The following STXBP5L variants were observed in gnomAD, a reference collection of about 807,000 sequenced individuals.
STXBP5L encodes syntaxin-binding protein 5-like.
In STXBP5L, 65 loss-of-function variants were observed where a neutral mutation model predicts 144.5. The observed-to-expected ratio is 0.45, with a 90% CI of 0.37 to 0.55. STXBP5L has a LOEUF of 0.55. STXBP5L is among the 20% of genes least tolerant of loss of function. The probability of loss-of-function intolerance (pLI) is 0.00; values close to 1 mark genes in which losing one functional copy is unlikely to be tolerated. For missense variants in STXBP5L, 1,298 were observed against 1,405.5 expected (o/e 0.92, Z 1.22); for synonymous variants, 505 against 469.6 (o/e 1.08, Z -0.97).
intron 3 of STXBP5L, among the ~76,000 whole-genome samples, chr3:120,973,135 G>A (rs551944680): frequency 6.6e-6 from 1 of 152,174 alleles, no homozygotes; most frequent in South Asian, 2.1e-4. Context: ...CATAACTTTA[G>A]TAGAACCACC....
chr3:121,139,961 C>A (rs921124753), intron 7 of STXBP5L, among the ~76,000 whole-genome samples: 11 of 151,898 alleles, frequency 7.2e-5, no homozygotes, highest in African/African-American at 2.4e-4. Context: ...CCATAAAAAA[C>A]CAAACAACCC....
intron 6 of STXBP5L, among the ~76,000 whole-genome samples, chr3:121,117,943 G>C (rs2044302070): frequency 6.6e-6 from 1 of 151,650 alleles, no homozygotes; most frequent in Non-Finnish European, 1.5e-5. Context: ...ATATATACCA[G>C]GTGATAGCAT....
At chr3:120,976,003 C>CTG (rs1055166732) in intron 3 of STXBP5L, among the ~76,000 whole-genome samples, 13 of 146,860 alleles carry the variant, frequency 8.9e-5, no homozygotes, top group African/African-American at 1.0e-4. Context: ...GTCTAAAATT[C>CTG]TCTTTTTTTT....
At chr3:120,963,270 T>C (rs748823642) in intron 3 of STXBP5L, among the ~76,000 whole-genome samples, 1 of 152,170 alleles carries the variant, frequency 6.6e-6, no homozygotes, top group Admixed American at 6.5e-5. Context: ...CCTTTATTTC[T>C]TTCTCTTGTT....
At chr3:121,101,489 A>G (rs770957822) in intron 5 of STXBP5L, among the ~76,000 whole-genome samples, 1 of 152,186 alleles carries the variant, frequency 6.6e-6, no homozygotes, top group African/African-American at 2.4e-5. Context: ...CCATATGATC[A>G]TCTCAATTTA....
At chr3:121,370,160 G>T (rs1297301336) in intron 20 of STXBP5L, among the ~76,000 whole-genome samples, 1 of 152,082 alleles carries the variant, frequency 6.6e-6, no homozygotes, top group Admixed American at 6.6e-5. Flanking sequence ...GAGGTCAGGA[G>T]TTCAAGACCA....
chr3:121,082,281 T>C (rs562887764), intron 5 of STXBP5L, among the ~76,000 whole-genome samples: 84 of 151,294 alleles, frequency 5.6e-4, no homozygotes, highest in Middle Eastern at 3.4e-3. Context: ...TTAGATCTTC[T>C]TTGATTTCTT....
chr3:121,128,439 G>C (rs1351722800), intron 7 of STXBP5L, among the ~76,000 whole-genome samples: 2 of 152,092 alleles, frequency 1.3e-5, no homozygotes, highest in African/African-American at 4.8e-5. Flanking sequence ...GGCTTCTGAG[G>C]AGACTGTCTT....
At chr3:121,182,564 A>G (rs530796220) in intron 9 of STXBP5L, among the ~76,000 whole-genome samples, 2 of 152,256 alleles carry the variant, frequency 1.3e-5, no homozygotes, top group African/African-American at 4.8e-5. Flanking sequence ...CTACATCAAA[A>G]AGTCTGAAAG....
intron 2 of STXBP5L, among the ~76,000 whole-genome samples, chr3:120,954,477 T>A (rs1937803365): frequency 6.6e-6 from 1 of 152,134 alleles, no homozygotes; most frequent in African/African-American, 2.4e-5. Context: ...GTTGCATCTA[T>A]CAGTAGTTTG....
At chr3:121,011,526 C>T (rs756626894) in intron 3 of STXBP5L, among the ~76,000 whole-genome samples, 1 of 151,664 alleles carries the variant, frequency 6.6e-6, no homozygotes, top group Non-Finnish European at 1.5e-5. Flanking sequence ...ACCCTCTATT[C>T]CTCTCAAGCT....
intron 9 of STXBP5L, among the ~76,000 whole-genome samples, chr3:121,192,286 G>A (rs1178836237): frequency 6.6e-6 from 1 of 152,082 alleles, no homozygotes; most frequent in East Asian, 1.9e-4. Flanking sequence ...ACCTCTTCAA[G>A]GAGAACTACA....
At chr3:120,994,774 CAG>C (rs1559970123) in intron 3 of STXBP5L, among the ~76,000 whole-genome samples, 2 of 151,830 alleles carry the variant, frequency 1.3e-5, no homozygotes, top group Non-Finnish European at 2.9e-5. Flanking sequence ...TTTTTTTAAT[CAG>C]GGTATTTCTG....
At chr3:121,187,006 T>C (rs538904438) in intron 9 of STXBP5L, among the ~76,000 whole-genome samples, 10 of 152,272 alleles carry the variant, frequency 6.6e-5, no homozygotes, top group East Asian at 3.9e-4. Flanking sequence ...GTCAGTGTGG[T>C]GATTCCTCAG....
chr3:121,089,019 C>T (rs1212465366), intron 5 of STXBP5L, among the ~76,000 whole-genome samples: 1 of 106,650 alleles, frequency 9.4e-6, no homozygotes, highest in South Asian at 3.5e-4. Context: ...GTGCAGCACA[C>T]CAGCATGGCA....
At chr3:121,013,906 G>C (rs1425522043) in intron 3 of STXBP5L, among the ~76,000 whole-genome samples, 1 of 151,770 alleles carries the variant, frequency 6.6e-6, no homozygotes, top group African/African-American at 2.4e-5. Context: ...TCCTTTCCCT[G>C]TTGTTTATTT....
Position 121,239,094 on chromosome 3 carries a change from TA to T in STXBP5L, c.1314del (p.Lys438AsnfsTer36). ...TACTGTATTCTATAGGAGTCAAGCA[TA>T]AAAAACAAGGATACAGTAATAAGGT... ...LVLYSIGVKH[K>X]KQGYSNKEWP... On this transcript the variant is annotated frameshift_variant, in exon 13 of 27. Coordinates refer to ENST00000471454, the MANE Select transcript of STXBP5L (RefSeq NM_001308330.2). LOFTEE classifies it high-confidence loss of function. The T allele has an allele frequency of 6.3e-7, 1 of 1,584,986 alleles. No individual in the cohort carries two copies. The highest frequency in any genetic ancestry group is 8.6e-7 in the Non-Finnish European group (1 of 1,166,376).
chr3:121,296,507 GTAA>G (rs1559945915), intron 19 of STXBP5L, among the ~76,000 whole-genome samples: 1 of 152,136 alleles, frequency 6.6e-6, no homozygotes, highest in Non-Finnish European at 1.5e-5. Context: ...AAATCCTATA[GTAA>G]TGACAATAAA....
intron 3 of STXBP5L, among the ~76,000 whole-genome samples, chr3:121,041,154 A>G (rs1163050003): frequency 6.9e-6 from 1 of 144,412 alleles, no homozygotes; most frequent in Non-Finnish European, 1.5e-5. Context: ...GTTACCATTT[A>G]TTTTCCAGTT....
Sources: allele counts gnomAD v4.1 joint callset (sites outside exome capture counted in the v4.1 genomes callset), GRCh38; gene constraint gnomAD v4.1.1; transcripts MANE v1.5; gene names NCBI Gene and HGNC (gene_info 2026-07-23, HGNC 2026-07-21).